Variants in ENTREP2 observed in about 807,000 individuals in gnomAD.
The protein encoded by ENTREP2 is endosomal transmembrane epsin interactor 2, also known as protein ENTREP2.
chr15:29,394,361 G>C, the ENTREP2 span, among the ~76,000 whole-genome samples: 1 of 152,058 alleles, frequency 6.6e-6, no homozygotes, highest in East Asian at 1.9e-4. Context: ...TATGTGGAGG[G>C]AAAGAGGTTT....
At chr15:29,269,257 T>C in the ENTREP2 span, 4 of 1,614,178 alleles carry the variant, frequency 2.5e-6, no homozygotes, top group Non-Finnish European at 3.4e-6. Context: ...GATGTAAGTG[T>C]TGCTCTTGGG....
At chr15:29,598,972 A>G in the ENTREP2 span, among the ~76,000 whole-genome samples, 1 of 152,256 alleles carries the variant, frequency 6.6e-6, no homozygotes, top group Non-Finnish European at 1.5e-5. Context: ...CTGGGATTAC[A>G]GGCATGAGCC....
At chr15:29,410,458 A>AGGCGACGG in the ENTREP2 span, among the ~76,000 whole-genome samples, 1 of 151,696 alleles carries the variant, frequency 6.6e-6, no homozygotes, top group Admixed American at 6.6e-5. Context: ...CAGAGACTTG[A>AGGCGACGG]GGCGACGGGT....
the ENTREP2 span, among the ~76,000 whole-genome samples, chr15:29,414,645 A>T: frequency 1.3e-5 from 2 of 152,214 alleles, no homozygotes; most frequent in African/African-American, 4.8e-5. Flanking sequence ...GAAATAACTA[A>T]GATCAGAGCA....
chr15:29,315,905 G>A, the ENTREP2 span, among the ~76,000 whole-genome samples: 4 of 147,142 alleles, frequency 2.7e-5, no homozygotes, highest in African/African-American at 1.0e-4. Context: ...TGCAAGGTAG[G>A]CACACGTACA....
the ENTREP2 span, among the ~76,000 whole-genome samples, chr15:29,537,877 C>A: frequency 6.6e-6 from 1 of 152,090 alleles, no homozygotes; most frequent in African/African-American, 2.4e-5. Context: ...TGTGAACAAC[C>A]CAAGGCGGTT....
chr15:29,461,130 C>A, the ENTREP2 span, among the ~76,000 whole-genome samples: 165 of 152,274 alleles, frequency 1.1e-3, no homozygotes, highest in Non-Finnish European at 1.9e-3. Context: ...ATGCCCAACA[C>A]TATCCCATTT....
At chr15:29,489,972 G>A in the ENTREP2 span, among the ~76,000 whole-genome samples, 1 of 152,230 alleles carries the variant, frequency 6.6e-6, no homozygotes. Flanking sequence ...AAATGAAACT[G>A]TCTCTAAATA....
chr15:29,398,884 A>C, the ENTREP2 span, among the ~76,000 whole-genome samples: 2,515 of 152,242 alleles, frequency 0.017, 69 homozygotes, highest in African/African-American at 0.057. Context: ...TGATTAGGTT[A>C]CGCTGCCTGA....
the ENTREP2 span, among the ~76,000 whole-genome samples, chr15:29,667,640 C>T: frequency 1.3e-5 from 2 of 151,674 alleles, no homozygotes; most frequent in African/African-American, 4.9e-5. Flanking sequence ...ATTACAGGCG[C>T]CTGCCACCAC....
chr15:29,273,019 G>A, the ENTREP2 span, among the ~76,000 whole-genome samples: 1 of 152,032 alleles, frequency 6.6e-6, no homozygotes, highest in Non-Finnish European at 1.5e-5. Context: ...TGAAAGGGCT[G>A]ATTTCTGTTT....
chr15:29,444,836 G>T, the ENTREP2 span, among the ~76,000 whole-genome samples: 1 of 152,200 alleles, frequency 6.6e-6, no homozygotes, highest in Non-Finnish European at 1.5e-5. Flanking sequence ...GGCTAGAGAG[G>T]CTCCACAGTC....
the ENTREP2 span, among the ~76,000 whole-genome samples, chr15:29,351,820 T>A: frequency 6.9e-6 from 1 of 144,482 alleles, no homozygotes; most frequent in East Asian, 2.2e-4. Flanking sequence ...TTTTATTTTT[T>A]TTTTGGTAGA....
At chr15:29,479,660 C>A in the ENTREP2 span, among the ~76,000 whole-genome samples, 1 of 135,650 alleles carries the variant, frequency 7.4e-6, no homozygotes, top group Non-Finnish European at 1.5e-5. Flanking sequence ...CTGTCTCACA[C>A]ACACATACAC....
At chr15:29,306,402 A>C in the ENTREP2 span, among the ~76,000 whole-genome samples, 1 of 152,200 alleles carries the variant, frequency 6.6e-6, no homozygotes, top group South Asian at 2.1e-4. Flanking sequence ...CTATAATTCC[A>C]GAAGCTTGAA....
At chr15:29,656,604 A>T in the ENTREP2 span, among the ~76,000 whole-genome samples, 2 of 152,210 alleles carry the variant, frequency 1.3e-5, no homozygotes, top group East Asian at 3.9e-4. Context: ...GATGCTCAAC[A>T]TAATTTACCA....
the ENTREP2 span, among the ~76,000 whole-genome samples, chr15:29,622,589 G>A: frequency 6.6e-6 from 1 of 152,124 alleles, no homozygotes; most frequent in Non-Finnish European, 1.5e-5. Context: ...CTACCAAGGA[G>A]AAGGTGTTAT....
chr15:29,208,183 C>G, the ENTREP2 span, among the ~76,000 whole-genome samples: 1 of 135,496 alleles, frequency 7.4e-6, no homozygotes, highest in Non-Finnish European at 1.6e-5. Context: ...CAGATAACAG[C>G]CTTAGAATCC....
the ENTREP2 span, among the ~76,000 whole-genome samples, chr15:29,288,640 C>T: frequency 4.6e-5 from 7 of 152,294 alleles, no homozygotes; most frequent in African/African-American, 1.7e-4. Context: ...GTATTCAGCA[C>T]AGTAACGTGC....
Sources: gnomAD v4.1 joint callset for allele counts (sites outside exome capture counted in the v4.1 genomes callset) on GRCh38, gnomAD v4.1.1 for gene constraint, MANE v1.5 for transcripts, NCBI Gene and HGNC (gene_info 2026-07-23, HGNC 2026-07-21) for gene names.